NPHP4: variants seen among roughly 807,000 people sequenced by gnomAD.
NPHP4 encodes nephrocystin-4.
Under a neutral mutation model 155.8 loss-of-function variants are expected in NPHP4, and 151 were observed. The observed-to-expected ratio is 0.97, with a 90% CI of 0.85 to 1.11. The LOEUF (loss-of-function observed/expected upper bound fraction) is 1.11. NPHP4 is among the 50% of genes least tolerant of loss of function. NPHP4 has a pLI of 0.00. For synonymous variants in NPHP4, 845 were observed against 816.8 expected (o/e 1.03, Z -0.59); for missense variants, 1,956 against 1,925.7 (o/e 1.02, Z -0.29).
At position 5,922,974 on chromosome 1, in the gene NPHP4, G is replaced by A. The variant is rs186644232; in HGVS notation, c.1441+4675C>T. On this transcript the variant is annotated intron_variant, in intron 11 of 29. Coordinates refer to ENST00000378156, the MANE Select transcript of NPHP4 (RefSeq NM_015102.5). ...GATTATGGCACGCACTCCAGCCAGA[G>A]CAACGAAGTGAGAATTTATCTCTAA... is the stretch of plus-strand genomic sequence containing the variant. 7.2e-5 allele frequency among the ~76,000 whole-genome samples: 11 copies of A among 152,336 alleles called. No homozygotes were observed. In the East Asian group the frequency reaches 1.7e-3, roughly 24 times the overall value.
intron 10 of NPHP4, 48 bp from the exon 11 acceptor site, chr1:5,927,835 G>A (rs753886397): frequency 7.0e-6 from 11 of 1,566,588 alleles, no homozygotes; most frequent in African/African-American, 4.0e-5. Context: ...TCATCAGCAC[G>A]CCTATCAGAA....
chr1:5,933,353 G>C (rs747728507), intron 9 of NPHP4, 24 bp from the exon 10 acceptor site: 1 of 1,599,022 alleles, frequency 6.3e-7, no homozygotes. Context: ...AAAGCACATC[G>C]GTGTATGAGT....
At chr1:5,931,225 C>T (rs1646253651) in intron 10 of NPHP4, among the ~76,000 whole-genome samples, 4 of 151,974 alleles carry the variant, frequency 2.6e-5, no homozygotes, top group Admixed American at 2.6e-4. Context: ...ATCTTTTAAA[C>T]TGGTGTGTTT....
In NPHP4 at chr1:5,909,173, C is replaced by T. The variant is rs199557439; in HGVS notation, c.1482G>A (p.Gln494=). The T allele has an allele frequency of 1.0e-4, 160 of 1,602,526 alleles. No homozygotes were observed. In the African/African-American group the frequency reaches 1.9e-3, roughly 19 times the overall value. The change falls in exon 12 of 30, where the codon CAG becomes CAA. Residue 494 remains glutamine, a synonymous_variant. Coordinates refer to ENST00000378156, the MANE Select transcript of NPHP4 (RefSeq NM_015102.5). ...APVPRVLAAP[Q]NSPVGPGLSI... is the part of the protein sequence containing the mutation. ...TTACCCCTGGTCCCACAGGTGAGTTCTGCGGGGCAGCGAGAACTCGAGGTA... is the reference window on the plus strand; with the variant it reads ...TTACCCCTGGTCCCACAGGTGAGTTTTGCGGGGCAGCGAGAACTCGAGGTA...
intron 2 of NPHP4, among the ~76,000 whole-genome samples, chr1:5,980,422 C>CTG (rs1453666460): frequency 1.3e-5 from 2 of 152,212 alleles, no homozygotes; most frequent in Non-Finnish European, 2.9e-5. Flanking sequence ...GGCGCAAGAG[C>CTG]GTTCAGGCAG....
rs965250317 is a variant in NPHP4 at position 5,969,336 on chromosome 1, C to G, written c.280-77G>C. 6 of 926,132 alleles carry G rather than the reference C, an allele frequency of 6.5e-6. 1 individual carries two copies. The highest frequency in any genetic ancestry group is 9.3e-6 in the Non-Finnish European group (6 of 643,760). The allele number at this position is 926,132 out of a possible 1,614,324, so 57.4% of individuals were successfully genotyped here. ...AGGACATGGGCGCTGTCCCCACCCC[C>G]GAGACCGCCTTCCTACACGTGCCAC... On this transcript the variant is annotated intron_variant, in intron 3 of 29. Coordinates refer to ENST00000378156, the MANE Select transcript of NPHP4 (RefSeq NM_015102.5).
intron 2 of NPHP4, among the ~76,000 whole-genome samples, chr1:5,985,082 A>C (rs1655269614): frequency 6.6e-6 from 1 of 152,262 alleles, no homozygotes; most frequent in Admixed American, 6.5e-5. Flanking sequence ...ACAGTGGCAA[A>C]GACACAGCAG....
At chr1:5,988,217 G>A (rs183390502) in intron 1 of NPHP4, among the ~76,000 whole-genome samples, 10 of 152,316 alleles carry the variant, frequency 6.6e-5, no homozygotes, top group Admixed American at 4.6e-4. Context: ...AAATCCTTAA[G>A]AAACTTCTGC....
intron 18 of NPHP4, among the ~76,000 whole-genome samples, chr1:5,883,936 T>C (rs1364158168): frequency 2.0e-5 from 3 of 152,092 alleles, no homozygotes; most frequent in Non-Finnish European, 4.4e-5. Flanking sequence ...ATGATGACAA[T>C]GGCTGCAGCG....
intron 16 of NPHP4, among the ~76,000 whole-genome samples, chr1:5,903,493 G>C (rs1429632504): frequency 6.6e-6 from 1 of 152,086 alleles, no homozygotes; most frequent in Non-Finnish European, 1.5e-5. Context: ...GGTCCCTTAT[G>C]AGCTGAGTCA....
chr1:5,903,682 A>C (rs754090567), intron 16 of NPHP4, among the ~76,000 whole-genome samples: 4 of 152,214 alleles, frequency 2.6e-5, no homozygotes, highest in Non-Finnish European at 4.4e-5. Context: ...TGGCAAATAA[A>C]GGGAAGAATC....
intron 11 of NPHP4, among the ~76,000 whole-genome samples, chr1:5,919,086 A>ACGTATCGCCTATATATACCAG (rs1645610076): frequency 6.6e-6 from 1 of 152,210 alleles, no homozygotes. Flanking sequence ...CCATTCATTA[A>ACGTATCGCCTATATATACCAG]CGTATCGCCT....
intron 11 of NPHP4, among the ~76,000 whole-genome samples, chr1:5,909,685 G>A (rs1186277034): frequency 6.6e-6 from 1 of 152,138 alleles, no homozygotes; most frequent in African/African-American, 2.4e-5. Context: ...AGCACAAGCT[G>A]TCCGCCAGGT....
intron 10 of NPHP4, among the ~76,000 whole-genome samples, chr1:5,931,938 G>A (rs936847678): frequency 3.9e-5 from 6 of 152,048 alleles, no homozygotes; most frequent in African/African-American, 1.4e-4. Flanking sequence ...CCCAGGCATG[G>A]TGGCACATGC....
At chr1:5,894,442 C>A (rs1278849032) in intron 16 of NPHP4, among the ~76,000 whole-genome samples, 1 of 148,516 alleles carries the variant, frequency 6.7e-6, no homozygotes, top group African/African-American at 2.5e-5. Flanking sequence ...AGAGCAAGAC[C>A]CAGTCTCAAA....
intron 8 of NPHP4, 44 bp downstream of exon 8, chr1:5,948,026 C>T: frequency 6.8e-7 from 1 of 1,462,532 alleles, no homozygotes; most frequent in Non-Finnish European, 9.6e-7. Context: ...CATCGTGATC[C>T]CTTGCACATC....
chr1:5,960,452 C>T (rs149225125), intron 6 of NPHP4, among the ~76,000 whole-genome samples: 2 of 152,250 alleles, frequency 1.3e-5, no homozygotes, highest in Non-Finnish European at 2.9e-5. Context: ...CAGGGACCTG[C>T]GCCGGAGCCG....
chr1:5,901,559 A>T (rs1393265096), intron 16 of NPHP4, among the ~76,000 whole-genome samples: 1 of 152,230 alleles, frequency 6.6e-6, no homozygotes, highest in Non-Finnish European at 1.5e-5. Context: ...ACTTGCAAGG[A>T]AATTTAATTT....
At chr1:5,979,108 C>A (rs1422963730) in intron 2 of NPHP4, among the ~76,000 whole-genome samples, 1 of 152,196 alleles carries the variant, frequency 6.6e-6, no homozygotes, top group African/African-American at 2.4e-5. Flanking sequence ...CCACTTACAG[C>A]AAGTATTGCT....
Sources: gnomAD v4.1 joint callset for allele counts (sites outside exome capture counted in the v4.1 genomes callset) on GRCh38, gnomAD v4.1.1 for gene constraint, MANE v1.5 for transcripts, NCBI Gene and HGNC (gene_info 2026-07-23, HGNC 2026-07-21) for gene names.